The following THSD4 variants were observed in gnomAD, a reference collection of about 807,000 sequenced individuals.
The protein encoded by THSD4 is thrombospondin type-1 domain-containing protein 4.
In THSD4, 69 loss-of-function variants were observed where a neutral mutation model predicts 119.0. That is an observed-to-expected ratio of 0.58 (90% confidence interval 0.48 to 0.71). THSD4 has a LOEUF of 0.71. Among genes scored for constraint, THSD4 ranks in the 30% least tolerant of loss-of-function variants. The pLI is 0.00. For synonymous variants in THSD4, 524 were observed against 540.4 expected (o/e 0.97, Z 0.42); for missense variants, 1,393 against 1,391.1 (o/e 1.00, Z -0.02).
chr15:71,208,635 C>T (rs2140244767), intron 3 of THSD4, among the ~76,000 whole-genome samples: 1 of 152,182 alleles, frequency 6.6e-6, no homozygotes, highest in Middle Eastern at 3.4e-3. Flanking sequence ...CCTCACCCTC[C>T]TGAGTAGCTG....
chr15:71,147,967 TCAAA>T (rs1293099434), intron 2 of THSD4, among the ~76,000 whole-genome samples: 1 of 40,956 alleles, frequency 2.4e-5, no homozygotes, highest in African/African-American at 1.3e-4. Context: ...AGACTCTGTC[TCAAA>T]AAAAAAAAAA....
At chr15:71,552,914 A>C (rs150225749) in intron 7 of THSD4, among the ~76,000 whole-genome samples, 2 of 152,322 alleles carry the variant, frequency 1.3e-5, no homozygotes, top group African/African-American at 4.8e-5. Flanking sequence ...AATTATAGGC[A>C]TGAGCCACCG....
At chr15:71,522,174 G>T (rs2048450843) in intron 7 of THSD4, among the ~76,000 whole-genome samples, 1 of 152,126 alleles carries the variant, frequency 6.6e-6, no homozygotes, top group East Asian at 1.9e-4. Context: ...CTGGAAAATG[G>T]CAAAGCCTGG....
At chr15:71,562,949 C>T (rs1010909085) in intron 7 of THSD4, among the ~76,000 whole-genome samples, 18 of 152,168 alleles carry the variant, frequency 1.2e-4, no homozygotes, top group Admixed American at 3.3e-4. Context: ...GTGATCCACC[C>T]GCCTCGGCCT....
intron 7 of THSD4, among the ~76,000 whole-genome samples, chr15:71,426,562 G>A (rs984417872): frequency 2.6e-5 from 4 of 151,908 alleles, no homozygotes; most frequent in African/African-American, 7.3e-5. Flanking sequence ...TATATTTTTA[G>A]TCCAATGAAA....
intron 15 of THSD4, among the ~76,000 whole-genome samples, chr15:71,760,530 G>A (rs887331298): frequency 6.6e-6 from 1 of 152,152 alleles, no homozygotes; most frequent in Admixed American, 6.5e-5. Flanking sequence ...AGTCTACCAA[G>A]TCTATTATTT....
intron 11 of THSD4, among the ~76,000 whole-genome samples, chr15:71,741,965 T>G (rs1045212027): frequency 2.0e-5 from 3 of 152,218 alleles, no homozygotes; most frequent in Admixed American, 1.3e-4. Flanking sequence ...CAGGCGGTGA[T>G]GGCACCAGAC....
rs573998929 is a variant in THSD4, at chr15:71,360,878, A to T, written c.1016-50809A>T. On this transcript the variant is annotated intron_variant, in intron 6 of 17. Transcript: ENST00000261862. Reference sequence around the variant, plus strand: ...AAGAGCCTATGGTTTAACAGGGGAGATGGATATCTTAGAGATAATTTTAAT... The same window carrying T: ...AAGAGCCTATGGTTTAACAGGGGAGTTGGATATCTTAGAGATAATTTTAAT... 4.6e-5 allele frequency among the ~76,000 whole-genome samples: 7 copies of T among 152,334 alleles called. No individual in the cohort carries two copies. The South Asian group carries it at 1.4e-3, about 32-fold the overall frequency.
chr15:71,636,180 G>A (rs1460828468), intron 7 of THSD4, among the ~76,000 whole-genome samples: 1 of 152,194 alleles, frequency 6.6e-6, no homozygotes, highest in African/African-American at 2.4e-5. Context: ...CCAGAACTTT[G>A]GGAGGCCGAG....
At chr15:71,677,626 A>G (rs1332707973) in intron 8 of THSD4, among the ~76,000 whole-genome samples, 3 of 152,124 alleles carry the variant, frequency 2.0e-5, no homozygotes, top group Non-Finnish European at 4.4e-5. Flanking sequence ...AAGCTTTCAG[A>G]TATGCTGGAA....
intron 7 of THSD4, among the ~76,000 whole-genome samples, chr15:71,435,480 T>C (rs1204948024): frequency 6.6e-6 from 1 of 152,238 alleles, no homozygotes; most frequent in African/African-American, 2.4e-5. Flanking sequence ...AAGAGTAGTC[T>C]TTTAAATTTA....
intron 7 of THSD4, among the ~76,000 whole-genome samples, chr15:71,483,574 A>G (rs975251913): frequency 2.6e-5 from 4 of 151,892 alleles, no homozygotes; most frequent in African/African-American, 7.3e-5. Context: ...TTAATTTATT[A>G]TTTATTATTT....
chr15:71,539,450 T>C (rs1211910242), intron 7 of THSD4, among the ~76,000 whole-genome samples: 1 of 152,230 alleles, frequency 6.6e-6, no homozygotes, highest in Non-Finnish European at 1.5e-5. Flanking sequence ...AGAATACACA[T>C]TCTTTGCAGG....
At chr15:71,716,819 A>G (rs376972506) in intron 8 of THSD4, among the ~76,000 whole-genome samples, 1 of 151,948 alleles carries the variant, frequency 6.6e-6, no homozygotes, top group Non-Finnish European at 1.5e-5. Flanking sequence ...TTCTTTCCTC[A>G]TGTGTTCTGG....
intron 6 of THSD4, among the ~76,000 whole-genome samples, chr15:71,262,373 C>T (rs961541992): frequency 6.6e-6 from 1 of 152,152 alleles, no homozygotes; most frequent in Non-Finnish European, 1.5e-5. Flanking sequence ...TCGTCCCAGT[C>T]CCCTTTCACT....
intron 3 of THSD4, chr15:71,183,970 T>A (rs930116883): frequency 6.6e-6 from 1 of 151,822 alleles, no homozygotes; most frequent in Non-Finnish European, 1.5e-5. Flanking sequence ...AACCATCTAT[T>A]TAAACTGGTA....
At position 71,660,716 on chromosome 15, in the gene THSD4, A is replaced by G; in HGVS notation, c.1339A>G (p.Lys447Glu). The change falls in exon 8 of 18, where the codon AAG (lysine) becomes GAG (glutamate). Residue 447 changes from lysine to glutamate, a missense_variant. Lys to Glu is a moderately conservative substitution (Grantham distance 56). Transcript: ENST00000261862. Reference sequence around the variant, plus strand: ...GAAAATCAACATCACGGAGATGTACAAGAGCAACAACTATTTGGGTAAGCT... The same window carrying G: ...GAAAATCAACATCACGGAGATGTACGAGAGCAACAACTATTTGGGTAAGCT... ...ATKINITEMY[K>E]SNNYLALRSR... is the part of the protein sequence containing the mutation. 1 of 1,614,154 alleles carries G rather than the reference A, an allele frequency of 6.2e-7. No individual in the cohort carries two copies. Among genetic ancestry groups the G allele is most frequent in the Non-Finnish European group, 8.5e-7 (1 of 1,180,010 alleles).
At chr15:71,189,314 A>G (rs560832589) in intron 3 of THSD4, among the ~76,000 whole-genome samples, 1 of 152,302 alleles carries the variant, frequency 6.6e-6, no homozygotes, top group South Asian at 2.1e-4. Context: ...AGAGAGCAAT[A>G]CTAGGTCAGT....
chr15:71,198,676 C>T (rs889837582), intron 3 of THSD4, among the ~76,000 whole-genome samples: 1 of 152,208 alleles, frequency 6.6e-6, no homozygotes, highest in East Asian at 1.9e-4. Flanking sequence ...TCATGGTCTG[C>T]CTCCTCCTCC....
Sources: gnomAD v4.1 joint callset for allele counts (sites outside exome capture counted in the v4.1 genomes callset) on GRCh38, gnomAD v4.1.1 for gene constraint, MANE v1.5 for transcripts, NCBI Gene and HGNC (gene_info 2026-07-23, HGNC 2026-07-21) for gene names.